The following PISD variants were observed in gnomAD, a reference collection of about 807,000 sequenced individuals.
PISD encodes phosphatidylserine decarboxylase.
A neutral mutation model predicts 43.5 loss-of-function variants in PISD; 31 were observed. The ratio of observed to expected loss-of-function variants is 0.71; its 90% CI spans 0.54 to 0.96. The LOEUF (loss-of-function observed/expected upper bound fraction) is 0.96, where lower values mean the gene tolerates loss of function less well. Among genes scored for constraint, PISD ranks in the 40% least tolerant of loss-of-function variants. PISD has a pLI of 0.00. For missense variants in PISD, 523 were observed against 548.4 expected (o/e 0.95, Z 0.46); for synonymous variants, 259 against 228.7 (o/e 1.13, Z -1.20).
upstream of PISD, chr22:31,662,229 G>T (rs757144975): frequency 5.6e-6 from 9 of 1,600,572 alleles, no homozygotes; most frequent in African/African-American, 8.0e-5. Flanking sequence ...CCTTCTCAGC[G>T]TGCCACGCCC....
chr22:31,623,732 G>C, intron 3 of PISD: 1 of 1,614,162 alleles, frequency 6.2e-7, no homozygotes, highest in South Asian at 1.1e-5. Flanking sequence ...TGAGGGCGCC[G>C]AAGGGCAGGA....
At chr22:31,650,509 A>G (rs970210431) in intron 2 of PISD, among the ~76,000 whole-genome samples, 190 bp downstream of exon 2, 8 of 151,188 alleles carry the variant, frequency 5.3e-5, no homozygotes, top group African/African-American at 1.7e-4. Flanking sequence ...AGCCTGGGCG[A>G]CAGAGCAAGA....
chr22:31,650,569 T>A (rs1321789957), intron 2 of PISD, 130 bp downstream of exon 2: 1 of 521,348 alleles, frequency 1.9e-6, no homozygotes, highest in African/African-American at 2.0e-5. Context: ...GCTTCAGTGA[T>A]AACTGCATGC....
chr22:31,637,142 TTAAA>T (rs1392853630), intron 3 of PISD, among the ~76,000 whole-genome samples: 6 of 12,394 alleles, frequency 4.8e-4, no homozygotes, highest in Non-Finnish European at 8.5e-4. Context: ...AATAAATAAA[TTAAA>T]AAAAAAAAAA....
chr22:31,643,953 C>G (rs924621378), intron 3 of PISD, among the ~76,000 whole-genome samples: 2 of 151,842 alleles, frequency 1.3e-5, no homozygotes, highest in African/African-American at 4.8e-5. Flanking sequence ...GAGGCTGAGG[C>G]AGGAGAATGG....
chr22:31,640,880 G>GTTT lies in PISD; in HGVS notation c.321+7218_321+7220dup, dbSNP rs1214973570. 1.4e-3 allele frequency among the ~76,000 whole-genome samples: 34 copies of GTTT among 24,596 alleles called. 5 individuals are homozygous for GTTT. The highest frequency in any genetic ancestry group is 4.3e-3 in the African/African-American group (24 of 5,540). The allele number at this position is 24,596 out of a possible 152,430, so 16.1% of individuals were successfully genotyped here. On this transcript the variant is annotated intron_variant, in intron 3 of 7. Coordinates refer to ENST00000439502, the MANE Select transcript of PISD (RefSeq NM_001326411.2). ...ACAGGCATGAGCCACCACACCCGGT[G>GTTT]TTTTTTTTTTTTTTTTTTTTTTTTG...
intron 3 of PISD, chr22:31,623,748 T>TA: frequency 2.5e-6 from 4 of 1,614,176 alleles, no homozygotes; most frequent in Non-Finnish European, 3.4e-6. Flanking sequence ...CAGGAGGTAG[T>TA]AGAGGACGGT....
chr22:31,640,575 GTTTTTTTTTTTTT>G (rs759964791), intron 3 of PISD, among the ~76,000 whole-genome samples: 17 of 91,254 alleles, frequency 1.9e-4, no homozygotes, highest in African/African-American at 5.9e-4. Flanking sequence ...CGGTTTGGTT[GTTTTTTTTTTTTT>G]TTTTTTTTTT....
intron 3 of PISD, chr22:31,628,891 G>A: frequency 2.0e-6 from 2 of 985,334 alleles, no homozygotes; most frequent in Non-Finnish European, 2.4e-6. Flanking sequence ...TCCGGTGGGG[G>A]CAGGGGTTTC....
intron 1 of PISD, among the ~76,000 whole-genome samples, chr22:31,656,260 C>G (rs965592081): frequency 6.6e-6 from 1 of 152,088 alleles, no homozygotes; most frequent in Non-Finnish European, 1.5e-5. Context: ...AGGAGAATTG[C>G]TTGAACCCAG....
intron 3 of PISD, among the ~76,000 whole-genome samples, chr22:31,640,093 C>G (rs930303093): frequency 2.0e-5 from 3 of 152,146 alleles, no homozygotes; most frequent in Non-Finnish European, 4.4e-5. Context: ...ATTATTCAAG[C>G]TGCGCACACT....
intron 3 of PISD, chr22:31,629,218 C>A: frequency 2.0e-6 from 2 of 985,142 alleles, no homozygotes; most frequent in Non-Finnish European, 2.4e-6. Flanking sequence ...TTGGGGCCTG[C>A]AAGATTGTTG....
intron 3 of PISD, chr22:31,638,459 G>A (rs1032264753): frequency 1.0e-6 from 1 of 984,250 alleles, no homozygotes. Context: ...ATGAAGTGGG[G>A]AAGTGGGGAG....
chr22:31,647,766 G>C (rs2073924553), intron 3 of PISD, among the ~76,000 whole-genome samples: 1 of 152,128 alleles, frequency 6.6e-6, no homozygotes, highest in Admixed American at 6.6e-5. Flanking sequence ...CATCACAAAA[G>C]CTCAATAGTT....
At chr22:31,645,855 TAAAAA>T (rs200852599) in intron 3 of PISD, among the ~76,000 whole-genome samples, 1 of 108,140 alleles carries the variant, frequency 9.2e-6, no homozygotes, top group Non-Finnish European at 2.0e-5. Context: ...AGACTCCATC[TAAAAA>T]AAAAAAAAAA....
chr22:31,621,029 CGGT>C lies in PISD; in HGVS notation c.808_810del (p.Thr270del). On this transcript the variant is annotated inframe_deletion, in exon 6 of 8. Coordinates refer to ENST00000439502, the MANE Select transcript of PISD (RefSeq NM_001326411.2). ...TGGCGCCGGTGGGACACAGTCCAGT[CGGT>C]GGGGGAGTGGAAGCAGTGGTAGTCC... is the stretch of plus-strand genomic sequence containing the variant. The C allele has an allele frequency of 6.2e-7, 1 of 1,613,822 alleles. No homozygotes were observed. The highest frequency in any genetic ancestry group is 2.2e-5 in the East Asian group (1 of 44,880).
At position 31,619,761 on chromosome 22, in the gene PISD, C is replaced by G. The variant is rs770734329; in HGVS notation, c.1081G>C (p.Glu361Gln). ...DFSFVTHTNR[E>Q]GVPMRKGEHL... ...TCGCCCTTACGCATGGGGACGCCCT[C>G]TCTATTGGTGTGCGTCACGAAGCTG... The change falls in exon 8 of 8, where the codon GAG becomes CAG. Residue 361 changes from glutamate to glutamine, a missense_variant. By Grantham distance (29) the Glu-to-Gln change is conservative (BLOSUM62 2). Coordinates refer to ENST00000439502, the MANE Select transcript of PISD (RefSeq NM_001326411.2). 1.4e-5 allele frequency: 22 copies of G among 1,614,108 alleles called. No individual in the cohort carries two copies. In the South Asian group the frequency reaches 2.3e-4, roughly 17 times the overall value.
At chr22:31,647,967 C>A (rs1340049922) in intron 3 of PISD, 134 bp downstream of exon 3, 4 of 781,024 alleles carry the variant, frequency 5.1e-6, no homozygotes. Flanking sequence ...TGTATCTGGC[C>A]AAAACCTACT....
chr22:31,652,635 C>T (rs2074059651), intron 1 of PISD, among the ~76,000 whole-genome samples: 3 of 151,548 alleles, frequency 2.0e-5, no homozygotes, highest in Admixed American at 1.3e-4. Context: ...GGTGCAACCC[C>T]GTCTCTACTA....
Sources: allele counts gnomAD v4.1 joint callset (sites outside exome capture counted in the v4.1 genomes callset), GRCh38; gene constraint gnomAD v4.1.1; transcripts MANE v1.5; gene names NCBI Gene and HGNC (gene_info 2026-07-23, HGNC 2026-07-21).